The following DISC1 variants were observed in gnomAD, a reference collection of about 807,000 sequenced individuals.
DISC1 encodes DISC1 scaffold protein.
A neutral mutation model predicts 84.5 loss-of-function variants in DISC1; 57 were observed. The ratio of observed to expected loss-of-function variants is 0.67; its 90% CI spans 0.55 to 0.84. The LOEUF (loss-of-function observed/expected upper bound fraction) is 0.84, where lower values mean the gene tolerates loss of function less well. Ranked by LOEUF, DISC1 falls within the 40% of genes least tolerant of loss-of-function variation. The pLI, the probability that DISC1 is intolerant of heterozygous loss-of-function variation, is 0.00. For synonymous variants in DISC1, 411 were observed against 415.2 expected, an observed-to-expected ratio of 0.99 and a Z score of 0.12; for missense variants, 1,000 against 1,057.8, an observed-to-expected ratio of 0.95 and a Z score of 0.76.
intron 1 of DISC1, among the ~76,000 whole-genome samples, chr1:231,649,985 C>T (rs1052166977): frequency 1.3e-5 from 2 of 152,202 alleles, no homozygotes; most frequent in African/African-American, 4.8e-5. Flanking sequence ...CTCCTGAATA[C>T]AGCACACTGA....
chr1:231,683,103 T>G (rs542494250), intron 1 of DISC1, among the ~76,000 whole-genome samples: 1 of 152,248 alleles, frequency 6.6e-6, no homozygotes, highest in Non-Finnish European at 1.5e-5. Flanking sequence ...ATTTTAAATA[T>G]AGACCATACT....
At chr1:231,634,569 A>G (rs1352999853) in intron 1 of DISC1, among the ~76,000 whole-genome samples, 3 of 152,232 alleles carry the variant, frequency 2.0e-5, no homozygotes, top group Non-Finnish European at 2.9e-5. Flanking sequence ...CAATTTAAAC[A>G]GTAGATTTGG....
chr1:231,950,284 T>C (rs1005270125), intron 9 of DISC1, among the ~76,000 whole-genome samples: 1 of 146,938 alleles, frequency 6.8e-6, no homozygotes, highest in Admixed American at 6.9e-5. Flanking sequence ...GGAGAAAGAA[T>C]CAAAGAATGA....
chr1:232,020,740 A>G (rs1156273552), intron 11 of DISC1, among the ~76,000 whole-genome samples: 1 of 152,262 alleles, frequency 6.6e-6, no homozygotes, highest in Non-Finnish European at 1.5e-5. Flanking sequence ...ATTTTAAAAG[A>G]AGCAAACAAA....
intron 1 of DISC1, among the ~76,000 whole-genome samples, chr1:231,665,953 G>T (rs986703625): frequency 1.3e-5 from 2 of 152,152 alleles, no homozygotes; most frequent in African/African-American, 4.8e-5. Flanking sequence ...CCCTCTGAGG[G>T]TGTGGAAGGG....
At chr1:231,771,364 A>G (rs191744408) in intron 6 of DISC1, 2 of 985,348 alleles carry the variant, frequency 2.0e-6, no homozygotes, top group Admixed American at 1.2e-4. Flanking sequence ...TCTCCCTTTG[A>G]GAACTGTTGG....
intron 3 of DISC1, chr1:231,723,887 A>G (rs1248482221): frequency 3.0e-6 from 3 of 985,256 alleles, no homozygotes; most frequent in Non-Finnish European, 3.6e-6. Context: ...TGGCAAGTTT[A>G]TTGTGCCCAG....
At chr1:231,705,230 G>C (rs1232822120) in intron 3 of DISC1, among the ~76,000 whole-genome samples, 2 of 140,116 alleles carry the variant, frequency 1.4e-5, no homozygotes, top group Non-Finnish European at 3.0e-5. Context: ...GGAGGTTGCA[G>C]TGAGCAGAGA....
intron 10 of DISC1, among the ~76,000 whole-genome samples, chr1:231,960,750 G>A (rs1177220365): frequency 1.3e-5 from 2 of 152,082 alleles, no homozygotes; most frequent in Non-Finnish European, 1.5e-5. Context: ...ACTCATTTCC[G>A]ACACCAGCTA....
intron 6 of DISC1, among the ~76,000 whole-genome samples, chr1:231,791,860 T>C (rs1331389946): frequency 6.6e-6 from 1 of 152,216 alleles, no homozygotes; most frequent in Non-Finnish European, 1.5e-5. Context: ...GACCACAGTG[T>C]GATGGCAGCA....
chr1:231,637,480 T>C (rs1308803970), intron 1 of DISC1, among the ~76,000 whole-genome samples: 1 of 152,234 alleles, frequency 6.6e-6, no homozygotes, highest in Non-Finnish European at 1.5e-5. Context: ...GAGTAATTTC[T>C]CATCCTTCAC....
Position 231,666,094 on chromosome 1 carries a change from C to T in DISC1, c.68-27732C>T, listed in dbSNP as rs1035255247. 6.6e-5 allele frequency among the ~76,000 whole-genome samples: 10 copies of T among 152,230 alleles called. No homozygotes were observed. The East Asian group carries it at 1.5e-3, about 24-fold the overall frequency. ...TAGGACAGGGAACAGTAGGTCTTTA[C>T]CTCCCTTAATCCGAATGTTAGATCT... On this transcript the variant is annotated intron_variant, in intron 1 of 12. Transcript: ENST00000439617.
At chr1:231,869,886 A>G (rs1279750647) in intron 9 of DISC1, among the ~76,000 whole-genome samples, 1 of 152,078 alleles carries the variant, frequency 6.6e-6, no homozygotes, top group African/African-American at 2.4e-5. Context: ...TTCAGCAGTC[A>G]TATTTTTTTC....
chr1:231,710,432 T>C (rs1044289031), intron 3 of DISC1, among the ~76,000 whole-genome samples: 1 of 152,210 alleles, frequency 6.6e-6, no homozygotes, highest in Non-Finnish European at 1.5e-5. Flanking sequence ...CAAATTGACA[T>C]GTACCTTCCC....
chr1:231,827,785 C>T (rs934121325), intron 9 of DISC1, among the ~76,000 whole-genome samples: 1 of 152,124 alleles, frequency 6.6e-6, no homozygotes, highest in Non-Finnish European at 1.5e-5. Context: ...TTTTCTGTAA[C>T]TGGGGAGGGC....
intron 6 of DISC1, among the ~76,000 whole-genome samples, chr1:231,780,234 T>C (rs912756091): frequency 8.0e-5 from 1 of 12,492 alleles, no homozygotes; most frequent in Admixed American, 1.0e-3. Flanking sequence ...ACTTAAAGTA[T>C]AATAAAAAAA....
chr1:231,695,174 A>G (rs1200166808), intron 2 of DISC1, among the ~76,000 whole-genome samples: 1 of 152,144 alleles, frequency 6.6e-6, no homozygotes, highest in Non-Finnish European at 1.5e-5. Flanking sequence ...TGAGAGATAC[A>G]AAAATGGGGA....
chr1:231,709,876 T>A (rs2067587402), intron 3 of DISC1, among the ~76,000 whole-genome samples: 5 of 152,168 alleles, frequency 3.3e-5, no homozygotes, highest in Non-Finnish European at 1.5e-5. Flanking sequence ...TGAAGCAGAA[T>A]GTGGTTCAGG....
intron 8 of DISC1, among the ~76,000 whole-genome samples, chr1:231,801,126 A>G (rs1444764310): frequency 6.6e-6 from 1 of 152,162 alleles, no homozygotes; most frequent in Non-Finnish European, 1.5e-5. Flanking sequence ...AGATCATTAA[A>G]CAACTAATGT....
Sources: allele counts gnomAD v4.1 joint callset (sites outside exome capture counted in the v4.1 genomes callset), GRCh38; gene constraint gnomAD v4.1.1; transcripts MANE v1.5; gene names NCBI Gene and HGNC (gene_info 2026-07-23, HGNC 2026-07-21).